Variants in KCNJ6 observed in about 807,000 individuals in gnomAD.
KCNJ6 encodes G protein-activated inward rectifier potassium channel 2.
A neutral mutation model predicts 34.2 loss-of-function variants in KCNJ6; 9 were observed. The observed-to-expected ratio is 0.26, with a 90% CI of 0.16 to 0.46. The LOEUF (loss-of-function observed/expected upper bound fraction) is 0.46. Among genes scored for constraint, KCNJ6 ranks in the 20% least tolerant of loss-of-function variants. KCNJ6 has a pLI of 1.00. For synonymous variants in KCNJ6, 196 were observed against 207.1 expected (o/e 0.95, Z 0.46); for missense variants, 236 against 531.3 (o/e 0.44, Z 5.46).
chr21:37,726,476 G>T (rs1001610374), intron 2 of KCNJ6, among the ~76,000 whole-genome samples: 2 of 152,178 alleles, frequency 1.3e-5, no homozygotes, highest in African/African-American at 2.4e-5. Flanking sequence ...GAATGAGTGG[G>T]TGTATGTTTA....
chr21:37,711,593 G>A (rs551644489), intron 3 of KCNJ6, among the ~76,000 whole-genome samples: 2 of 151,950 alleles, frequency 1.3e-5, no homozygotes, highest in African/African-American at 4.8e-5. Flanking sequence ...TTTTTTTCCT[G>A]TGGTTTTGAG....
At chr21:37,694,618 T>C (rs1437765100) in intron 3 of KCNJ6, among the ~76,000 whole-genome samples, 1 of 152,194 alleles carries the variant, frequency 6.6e-6, no homozygotes, top group African/African-American at 2.4e-5. Flanking sequence ...CTTTTAGTGA[T>C]GATGAAAACA....
At chr21:37,716,214 G>A (rs115612451) in intron 2 of KCNJ6, among the ~76,000 whole-genome samples, 1,819 of 152,202 alleles carry the variant, frequency 0.012, 57 homozygotes, top group African/African-American at 0.042. Context: ...AAGTATGCAT[G>A]CATTGTACTT....
At chr21:37,896,633 G>C (rs564198131) in intron 1 of KCNJ6, among the ~76,000 whole-genome samples, 1 of 152,282 alleles carries the variant, frequency 6.6e-6, no homozygotes, top group African/African-American at 2.4e-5. Context: ...GGGCAGAGCT[G>C]TCACCCCCGA....
intron 2 of KCNJ6, among the ~76,000 whole-genome samples, chr21:37,835,941 G>C (rs1468745219): frequency 6.6e-6 from 1 of 152,166 alleles, no homozygotes; most frequent in African/African-American, 2.4e-5. Flanking sequence ...ACATTTCAAA[G>C]GGTAGTGTTA....
intron 1 of KCNJ6, among the ~76,000 whole-genome samples, chr21:37,871,329 G>A (rs530639447): frequency 3.3e-5 from 5 of 152,276 alleles, no homozygotes; most frequent in South Asian, 4.1e-4. Context: ...GCCTTGCACC[G>A]TAATCACAGA....
chr21:37,653,816 G>C (rs1330722944), intron 3 of KCNJ6, among the ~76,000 whole-genome samples: 1 of 152,150 alleles, frequency 6.6e-6, no homozygotes, highest in African/African-American at 2.4e-5. Context: ...AAGCATATTT[G>C]ACTTGTCTTA....
rs1176655036 is a variant in KCNJ6 at position 37,737,556 on chromosome 21, T to C, written c.26-22425A>G. On this transcript the variant is annotated intron_variant, in intron 2 of 3. Transcript: ENST00000609713. Reference sequence around the variant, plus strand: ...TATCTTTAGGCAGCTCTGATCATAATTGATCTGCAGTCAAGTCTTCCATCC... The same window carrying C: ...TATCTTTAGGCAGCTCTGATCATAACTGATCTGCAGTCAAGTCTTCCATCC... 2.0e-5 allele frequency among the ~76,000 whole-genome samples: 3 copies of C among 152,226 alleles called. No homozygotes were observed. In the East Asian group the frequency reaches 5.8e-4, roughly 29 times the overall value.
At chr21:37,796,862 C>T (rs113908133) in intron 2 of KCNJ6, among the ~76,000 whole-genome samples, 13,655 of 143,596 alleles carry the variant, frequency 0.095, 783 homozygotes, top group South Asian at 0.2. Context: ...GGCGCAACCT[C>T]GGCTCACTGC....
At chr21:37,908,450 A>T (rs577508763) in intron 1 of KCNJ6, among the ~76,000 whole-genome samples, 2 of 152,350 alleles carry the variant, frequency 1.3e-5, no homozygotes, top group African/African-American at 4.8e-5. Context: ...GCCTATGGAC[A>T]TTTAGGGGAT....
intron 1 of KCNJ6, among the ~76,000 whole-genome samples, chr21:37,873,239 T>C (rs1308568243): frequency 6.6e-6 from 1 of 151,882 alleles, no homozygotes; most frequent in Non-Finnish European, 1.5e-5. Context: ...ATCATAACAC[T>C]GAGACTGCCG....
At chr21:37,889,358 C>T (rs980053721) in intron 1 of KCNJ6, among the ~76,000 whole-genome samples, 1 of 151,724 alleles carries the variant, frequency 6.6e-6, no homozygotes, top group African/African-American at 2.4e-5. Context: ...GTTTGACAAG[C>T]AAGGAGCCCT....
chr21:37,882,629 G>T (rs1374220828), intron 1 of KCNJ6, among the ~76,000 whole-genome samples: 1 of 152,190 alleles, frequency 6.6e-6, no homozygotes, highest in Non-Finnish European at 1.5e-5. Flanking sequence ...AAAACAGCAA[G>T]AGGTAAGGCT....
At chr21:37,767,560 A>G (rs997740475) in intron 2 of KCNJ6, among the ~76,000 whole-genome samples, 1 of 152,188 alleles carries the variant, frequency 6.6e-6, no homozygotes, top group Non-Finnish European at 1.5e-5. Context: ...TGAGAGTGAC[A>G]GGGAGAGGCA....
intron 3 of KCNJ6, among the ~76,000 whole-genome samples, chr21:37,682,067 G>T (rs1180839212): frequency 6.6e-6 from 1 of 152,206 alleles, no homozygotes; most frequent in Non-Finnish European, 1.5e-5. Flanking sequence ...ATTTGTTCAG[G>T]TGGTCACCAG....
At chr21:37,756,349 C>T (rs1474782716) in intron 2 of KCNJ6, among the ~76,000 whole-genome samples, 2 of 152,232 alleles carry the variant, frequency 1.3e-5, no homozygotes, top group Non-Finnish European at 2.9e-5. Context: ...CCATTGAAGA[C>T]AGTGTGGGCC....
At chr21:37,643,007 A>G (rs2054387928) in intron 3 of KCNJ6, among the ~76,000 whole-genome samples, 1 of 152,140 alleles carries the variant, frequency 6.6e-6, no homozygotes, top group African/African-American at 2.4e-5. Flanking sequence ...TCTAGTAAAA[A>G]CAGACAGACC....
At chr21:37,889,979 C>T (rs2055754342) in intron 1 of KCNJ6, among the ~76,000 whole-genome samples, 1 of 152,154 alleles carries the variant, frequency 6.6e-6, no homozygotes, top group Non-Finnish European at 1.5e-5. Context: ...GTGAGCTAGC[C>T]TGCACAAATT....
At chr21:37,890,450 A>G (rs2055756838) in intron 1 of KCNJ6, among the ~76,000 whole-genome samples, 1 of 152,234 alleles carries the variant, frequency 6.6e-6, no homozygotes. Flanking sequence ...AGAGTTTTAC[A>G]GTCAATTCAC....
Sources: allele counts gnomAD v4.1 joint callset (sites outside exome capture counted in the v4.1 genomes callset), GRCh38; gene constraint gnomAD v4.1.1; transcripts MANE v1.5; gene names NCBI Gene and HGNC (gene_info 2026-07-23, HGNC 2026-07-21).